The following PUDP variants were observed in gnomAD, a reference collection of about 807,000 sequenced individuals.
PUDP encodes the protein pseudouridine-5'-phosphatase.
A neutral mutation model predicts 9.4 loss-of-function variants in PUDP; 8 were observed. The observed-to-expected ratio is 0.85, with a 90% CI of 0.50 to 1.53. PUDP has a LOEUF of 1.53. Ranked by LOEUF, PUDP falls within the 40% of genes most tolerant of loss-of-function variation. The probability of loss-of-function intolerance (pLI) is 0.00; values close to 1 mark genes in which losing one functional copy is unlikely to be tolerated. For missense variants in PUDP, 188 were observed against 189.7 expected (o/e 0.99, Z 0.05); for synonymous variants, 99 against 80.7 (o/e 1.23, Z -1.22).
chrX:6,780,860 C>G (rs1201929454), intron 3 of PUDP, among the ~76,000 whole-genome samples: 4 of 110,414 alleles, frequency 3.6e-5, no homozygotes, highest in Non-Finnish European at 5.7e-5. Flanking sequence ...AGTTCGAGAC[C>G]AGCCTCGCCA....
At chrX:6,868,185 C>T (rs1049978940) in intron 3 of PUDP, among the ~76,000 whole-genome samples, 1 of 111,550 alleles carries the variant, frequency 9.0e-6, no homozygotes, top group Non-Finnish European at 1.9e-5. Context: ...CAAACAAGCA[C>T]ATTAGTGTAC....
intron 3 of PUDP, among the ~76,000 whole-genome samples, chrX:6,934,979 A>T (rs762142095): frequency 1.4e-3 from 107 of 78,049 alleles, no homozygotes; most frequent in African/African-American, 4.8e-3. Flanking sequence ...CAAGATTCAT[A>T]AAGCAAGTCC....
intron 2 of PUDP, among the ~76,000 whole-genome samples, chrX:7,079,234 T>C (rs1931008892): frequency 1.8e-5 from 2 of 112,417 alleles, no homozygotes; most frequent in Non-Finnish European, 3.8e-5. Context: ...CAGGGATAAA[T>C]AGGGACATTT....
At chrX:6,828,485 T>C (rs1328505689) in intron 3 of PUDP, among the ~76,000 whole-genome samples, 4 of 111,612 alleles carry the variant, frequency 3.6e-5, no homozygotes, top group Non-Finnish European at 7.5e-5. Flanking sequence ...CACAGCCTCC[T>C]CTACTATCAA....
chrX:6,753,002 A>AT (rs1013676259), intron 3 of PUDP, among the ~76,000 whole-genome samples: 21 of 109,534 alleles, frequency 1.9e-4, no homozygotes, highest in South Asian at 1.2e-3. Context: ...CCCCACCCAC[A>AT]TTTTTTTTTA....
At chrX:7,035,702 C>T (rs1199062548) in intron 1 of PUDP, among the ~76,000 whole-genome samples, 3 of 111,974 alleles carry the variant, frequency 2.7e-5, no homozygotes, top group Non-Finnish European at 5.6e-5. Flanking sequence ...TATGTTTGTA[C>T]ATAGCTATTT....
At chrX:6,782,242 G>C (rs1925575358) in intron 3 of PUDP, among the ~76,000 whole-genome samples, 1 of 111,094 alleles carries the variant, frequency 9.0e-6, no homozygotes, top group Non-Finnish European at 1.9e-5. Context: ...CCCCGCCTGT[G>C]AACAGTACAG....
chrX:6,711,320 G>A (rs762977960), intron 1 of PUDP, among the ~76,000 whole-genome samples: 6 of 111,119 alleles, frequency 5.4e-5, no homozygotes, highest in Admixed American at 9.6e-5. Flanking sequence ...TGGAAACCCC[G>A]CCAGGCCTGT....
chrX:7,043,208 T>C (rs1163308115), intron 1 of PUDP, among the ~76,000 whole-genome samples: 1 of 111,635 alleles, frequency 9.0e-6, no homozygotes, highest in African/African-American at 3.3e-5. Flanking sequence ...ACGTTGAAAT[T>C]TGATCCCCAA....
chrX:6,929,044 A>G (rs1031561809), intron 3 of PUDP, among the ~76,000 whole-genome samples: 11 of 112,186 alleles, frequency 9.8e-5, no homozygotes, highest in African/African-American at 3.6e-4. Flanking sequence ...ATTCCTGTTC[A>G]TTGGTATCAA....
At chrX:7,123,030 T>TA (rs1283561963) in intron 1 of PUDP, among the ~76,000 whole-genome samples, 45 of 111,287 alleles carry the variant, frequency 4.0e-4, no homozygotes, top group South Asian at 7.8e-4. Flanking sequence ...AATAACCAAT[T>TA]AAAAAAACGT....
At chrX:6,922,789 C>A (rs1476862265) in intron 3 of PUDP, among the ~76,000 whole-genome samples, 7 of 112,002 alleles carry the variant, frequency 6.2e-5, no homozygotes, top group African/African-American at 1.9e-4. Context: ...ATACCAGCTT[C>A]TCTCTCCTTC....
chrX:7,104,351 T>C (rs1179191111), intron 2 of PUDP, among the ~76,000 whole-genome samples: 1 of 111,748 alleles, frequency 8.9e-6, no homozygotes, highest in Admixed American at 9.5e-5. Flanking sequence ...TGGAGAGTAG[T>C]AAAAATCTTA....
At chrX:7,014,578 T>C (rs1167577752) in intron 1 of PUDP, among the ~76,000 whole-genome samples, 11 of 111,645 alleles carry the variant, frequency 9.9e-5, no homozygotes, top group African/African-American at 3.6e-4. Context: ...TCTCAGTCAA[T>C]ACAATTACCT....
chrX:6,778,117 AG>A (rs1356364489), intron 3 of PUDP, among the ~76,000 whole-genome samples: 2 of 112,071 alleles, frequency 1.8e-5, no homozygotes, highest in Non-Finnish European at 3.8e-5. Context: ...GAAAATGAGA[AG>A]GGGGCTGTGG....
At chrX:6,817,986 G>A (rs1926278454) in intron 3 of PUDP, among the ~76,000 whole-genome samples, 1 of 111,879 alleles carries the variant, frequency 8.9e-6, no homozygotes, top group Admixed American at 9.5e-5. Context: ...AGATAAGCAG[G>A]CTGCCTGTGT....
At chrX:7,038,891 T>C (rs1569143791) in intron 1 of PUDP, among the ~76,000 whole-genome samples, 2 of 111,916 alleles carry the variant, frequency 1.8e-5, no homozygotes, top group South Asian at 3.8e-4. Flanking sequence ...CATTCACTTA[T>C]GTATGCATTT....
chrX:6,926,997 G>C (rs548809384), intron 3 of PUDP, among the ~76,000 whole-genome samples: 1 of 97,437 alleles, frequency 1.0e-5, no homozygotes, highest in East Asian at 3.3e-4. Context: ...GCACAATCAC[G>C]GGTCACTACA....
intron 3 of PUDP, among the ~76,000 whole-genome samples, chrX:6,820,822 G>A (rs752492981): frequency 1.2e-4 from 13 of 111,353 alleles, no homozygotes; most frequent in Non-Finnish European, 2.5e-4. Context: ...CGCATGATGC[G>A]AGCTGTCAGT....
Sources: allele counts gnomAD v4.1 joint callset (sites outside exome capture counted in the v4.1 genomes callset), GRCh38; gene constraint gnomAD v4.1.1; transcripts MANE v1.5; gene names NCBI Gene and HGNC (gene_info 2026-07-23, HGNC 2026-07-21).